The following MEGF9 variants were observed in gnomAD, a reference collection of about 807,000 sequenced individuals.
MEGF9 encodes the protein multiple EGF like domains 9.
A neutral mutation model predicts 46.8 loss-of-function variants in MEGF9; 6 were observed. The ratio of observed to expected loss-of-function variants is 0.13; its 90% CI spans 0.07 to 0.25. MEGF9 has a LOEUF of 0.25. Ranked by LOEUF, MEGF9 falls within the 10% of genes least tolerant of loss-of-function variation. The probability of loss-of-function intolerance (pLI) is 1.00; values close to 1 mark genes in which losing one functional copy is unlikely to be tolerated. For synonymous variants in MEGF9, 302 were observed against 330.7 expected (o/e 0.91, Z 0.94); for missense variants, 683 against 792.4 (o/e 0.86, Z 1.66).
At chr9:120,647,569 G>A (rs543485386) in intron 2 of MEGF9, among the ~76,000 whole-genome samples, 1 of 152,030 alleles carries the variant, frequency 6.6e-6, no homozygotes, top group Non-Finnish European at 1.5e-5. Context: ...TACCATAAAG[G>A]CAATTTAAAC....
intron 1 of MEGF9, among the ~76,000 whole-genome samples, chr9:120,677,407 A>G (rs937863354): frequency 6.6e-6 from 1 of 152,204 alleles, no homozygotes; most frequent in East Asian, 1.9e-4. Context: ...GCTGGTTCAC[A>G]GGCCAGAGCC....
intron 1 of MEGF9, among the ~76,000 whole-genome samples, chr9:120,662,610 G>C (rs953677343): frequency 6.6e-6 from 1 of 152,150 alleles, no homozygotes; most frequent in Non-Finnish European, 1.5e-5. Flanking sequence ...CCTGTAAACA[G>C]GGCATAATAA....
In MEGF9 at chr9:120,615,552, T is replaced by C. The variant is rs540541032; in HGVS notation, c.944-3013A>G. Among the ~76,000 whole-genome samples, 6 of 152,156 alleles carry C rather than the reference T, an allele frequency of 3.9e-5. No individual in the cohort carries two copies. The South Asian group carries it at 1.2e-3, about 32-fold the overall frequency. ...ATCAATGAGTAAAAAAAAAATAACC[T>C]TACGTGGTAAACAATGTTATCTCAA... On this transcript the variant is annotated intron_variant, in intron 3 of 5. Coordinates refer to ENST00000373930, the MANE Select transcript of MEGF9 (RefSeq NM_001080497.3).
At chr9:120,693,069 C>A (rs1306339707) in intron 1 of MEGF9, among the ~76,000 whole-genome samples, 3 of 152,014 alleles carry the variant, frequency 2.0e-5, no homozygotes, top group Non-Finnish European at 4.4e-5. Flanking sequence ...GGGTGATTAA[C>A]AAAGATCTGA....
At chr9:120,614,409 T>C (rs1324945497) in intron 3 of MEGF9, among the ~76,000 whole-genome samples, 1 of 152,212 alleles carries the variant, frequency 6.6e-6, no homozygotes, top group Non-Finnish European at 1.5e-5. Context: ...TATGTAAATA[T>C]CATCATTTTC....
chr9:120,654,313 A>G (rs1441786998), intron 2 of MEGF9, among the ~76,000 whole-genome samples: 1 of 152,226 alleles, frequency 6.6e-6, no homozygotes, highest in African/African-American at 2.4e-5. Context: ...AGGTAGGCAC[A>G]CATAGAAAAT....
intron 2 of MEGF9, among the ~76,000 whole-genome samples, chr9:120,647,462 G>A (rs1327787632): frequency 6.6e-6 from 1 of 152,002 alleles, no homozygotes; most frequent in Non-Finnish European, 1.5e-5. Flanking sequence ...TGAATCAAAT[G>A]AATCACAATA....
At chr9:120,628,605 G>A (rs916674764) in intron 2 of MEGF9, among the ~76,000 whole-genome samples, 1 of 151,358 alleles carries the variant, frequency 6.6e-6, no homozygotes, top group African/African-American at 2.4e-5. Context: ...TGCAACGAGG[G>A]CCAGTGATGC....
At chr9:120,655,935 T>C (rs1256981232) in intron 2 of MEGF9, among the ~76,000 whole-genome samples, 1 of 152,212 alleles carries the variant, frequency 6.6e-6, no homozygotes, top group Non-Finnish European at 1.5e-5. Flanking sequence ...CATTATTTTG[T>C]TTAAAATGCA....
chr9:120,615,049 G>A (rs1245944841), intron 3 of MEGF9, among the ~76,000 whole-genome samples: 2 of 151,700 alleles, frequency 1.3e-5, no homozygotes, highest in Non-Finnish European at 2.9e-5. Flanking sequence ...AGACCAGCCT[G>A]ACCAACATGG....
intron 1 of MEGF9, among the ~76,000 whole-genome samples, chr9:120,671,298 C>T (rs991486603): frequency 2.0e-5 from 3 of 152,134 alleles, no homozygotes; most frequent in Non-Finnish European, 4.4e-5. Flanking sequence ...CAGTCATCCC[C>T]ATCAAGGCCC....
At chr9:120,643,498 C>T (rs892514919) in intron 2 of MEGF9, among the ~76,000 whole-genome samples, 2 of 152,152 alleles carry the variant, frequency 1.3e-5, no homozygotes, top group African/African-American at 2.4e-5. Flanking sequence ...CCTAATTTCT[C>T]TTCTGTACTT....
chr9:120,622,533 G>C, intron 3 of MEGF9, 83 bp downstream of exon 3: 1 of 1,440,828 alleles, frequency 6.9e-7, no homozygotes, highest in Non-Finnish European at 9.4e-7. Context: ...AACTATTTCA[G>C]AAGAATCAAC....
chr9:120,696,965 G>A (rs1043083333), intron 1 of MEGF9, among the ~76,000 whole-genome samples: 6 of 152,332 alleles, frequency 3.9e-5, no homozygotes, highest in Admixed American at 3.9e-4. Context: ...TCCTTTGTCT[G>A]ATCTGAGAGA....
intron 2 of MEGF9, among the ~76,000 whole-genome samples, chr9:120,656,131 C>T (rs1016380345): frequency 3.3e-4 from 50 of 152,134 alleles, no homozygotes; most frequent in African/African-American, 1.2e-3. Flanking sequence ...TACATTTGTT[C>T]AAATGGTTGA....
At position 120,710,017 on chromosome 9, in the gene MEGF9, A is replaced by G. The variant is rs573051514; in HGVS notation, c.601+3741T>C. Among the ~76,000 whole-genome samples, 134 of 136,200 alleles carry G rather than the reference A, an allele frequency of 9.8e-4. No homozygotes were observed. The Middle Eastern group carries it at 0.012, about 12-fold the overall frequency. 89.4% of individuals were successfully genotyped at this position (136,200 alleles called of 152,430 possible). A position where few individuals can be genotyped will look rare whatever the true frequency, so the allele number is the denominator to read the frequency against. ...GAGCCAATCTAGCCTGGGCAAAAAG[A>G]GCGAAACTCCGTCTCAAAAAAAAAA... is the stretch of plus-strand genomic sequence containing the variant. On this transcript the variant is annotated intron_variant, in intron 1 of 5. Transcript: ENST00000373930.
rs67080202 is a variant in MEGF9, at chr9:120,659,788, A to AGTGTGTGTGTGT, written c.602-225_602-214dup. On this transcript the variant is annotated intron_variant, in intron 1 of 5. Coordinates refer to ENST00000373930, the MANE Select transcript of MEGF9 (RefSeq NM_001080497.3). ...ATAAATTATGTAGTGTGTGTGTGAC[A>AGTGTGTGTGTGT]GTGTGTGTGTGTGTGTGTGTGTGTG... is the stretch of plus-strand genomic sequence containing the variant. 3.4e-4 allele frequency among the ~76,000 whole-genome samples: 49 copies of AGTGTGTGTGTGT among 143,128 alleles called. 1 individual carries two copies. Among genetic ancestry groups the AGTGTGTGTGTGT allele is most frequent in the African/African-American group, 1.2e-3 (46 of 38,444 alleles). The allele number at this position is 143,128 out of a possible 152,430, so 93.9% of individuals were successfully genotyped here. A position where few individuals can be genotyped will look rare whatever the true frequency, so the allele number is the denominator to read the frequency against.
intron 1 of MEGF9, among the ~76,000 whole-genome samples, chr9:120,688,421 T>C (rs1301337577): frequency 1.3e-5 from 2 of 152,088 alleles, no homozygotes; most frequent in Non-Finnish European, 2.9e-5. Flanking sequence ...GAAAAAGACA[T>C]ACATCCAAGG....
chr9:120,686,151 G>A (rs184474562), intron 1 of MEGF9, among the ~76,000 whole-genome samples: 319 of 150,304 alleles, frequency 2.1e-3, no homozygotes, highest in African/African-American at 7.2e-3. Flanking sequence ...GTGCAGCAGC[G>A]TGATCTCGGC....
Sources: gnomAD v4.1 joint callset for allele counts (sites outside exome capture counted in the v4.1 genomes callset) on GRCh38, gnomAD v4.1.1 for gene constraint, MANE v1.5 for transcripts, NCBI Gene and HGNC (gene_info 2026-07-23, HGNC 2026-07-21) for gene names.